The following MBP variants were observed in gnomAD, a reference collection of about 807,000 sequenced individuals.
MBP encodes myelin basic protein.
Under a neutral mutation model 35.8 loss-of-function variants are expected in MBP, and 16 were observed. The observed-to-expected ratio is 0.45, with a 90% confidence interval of 0.30 to 0.68. The LOEUF (loss-of-function observed/expected upper bound fraction) is 0.68, where lower values mean the gene tolerates loss of function less well. Ranked by LOEUF, MBP falls within the 30% of genes least tolerant of loss-of-function variation. The pLI, the probability that MBP is intolerant of heterozygous loss-of-function variation, is 0.08. For synonymous variants in MBP, 143 were observed against 159.6 expected (o/e 0.90, Z 0.78); for missense variants, 380 against 404.7 (o/e 0.94, Z 0.52).
chr18:77,049,139 T>C (rs1262264971), intron 3 of MBP, among the ~76,000 whole-genome samples: 1 of 151,232 alleles, frequency 6.6e-6, no homozygotes, highest in Non-Finnish European at 1.5e-5. Context: ...CTGGATGGTC[T>C]CGATCTCTTG....
intron 2 of MBP, among the ~76,000 whole-genome samples, chr18:77,092,278 G>A (rs943319284): frequency 6.6e-6 from 1 of 152,202 alleles, no homozygotes; most frequent in Admixed American, 6.5e-5. Flanking sequence ...TCCCCGTCGG[G>A]CTGCACCCTC....
intron 3 of MBP, among the ~76,000 whole-genome samples, chr18:77,059,446 T>C (rs1973874281): frequency 6.6e-6 from 1 of 150,624 alleles, no homozygotes; most frequent in Non-Finnish European, 1.5e-5. Context: ...GAATTTAAAT[T>C]ATAATAATTT....
chr18:77,025,705 C>CTTTTT (rs540022394), intron 3 of MBP, among the ~76,000 whole-genome samples: 1,577 of 108,742 alleles, frequency 0.015, 131 homozygotes, highest in African/African-American at 0.059. Flanking sequence ...TATTGAAATA[C>CTTTTT]TTTTTTTTTT....
At chr18:77,087,285 CA>C (rs2144985990) in intron 2 of MBP, 1 of 152,392 alleles carries the variant, frequency 6.6e-6, no homozygotes, top group East Asian at 1.9e-4. Flanking sequence ...CCTTCGCACT[CA>C]CCTGGCGCGG....
intron 2 of MBP, among the ~76,000 whole-genome samples, chr18:77,094,842 A>T (rs1193158281): frequency 6.6e-6 from 1 of 152,190 alleles, no homozygotes; most frequent in African/African-American, 2.4e-5. Context: ...TAAAAATATG[A>T]CATTAAAAAC....
intron 2 of MBP, among the ~76,000 whole-genome samples, chr18:77,079,251 G>A (rs1180219791): frequency 6.6e-6 from 1 of 152,238 alleles, no homozygotes; most frequent in African/African-American, 2.4e-5. Flanking sequence ...ACTAAGGTTG[G>A]AGGGACGCTG....
At chr18:77,018,343 TCCATCCATCCATACACATACCCACCTAC>T (rs1436039761) in intron 3 of MBP, among the ~76,000 whole-genome samples, 8 of 117,794 alleles carry the variant, frequency 6.8e-5, no homozygotes, top group African/African-American at 1.8e-4. Flanking sequence ...CATCCATCTA[TCCATCCATCCATACACATACCCACCTAC>T]CCATCCATCC....
chr18:77,042,653 A>G (rs1377617179), intron 3 of MBP, among the ~76,000 whole-genome samples: 1 of 152,224 alleles, frequency 6.6e-6, no homozygotes, highest in Non-Finnish European at 1.5e-5. Flanking sequence ...GCAGAGCTGT[A>G]CGCAGCACTT....
intron 3 of MBP, among the ~76,000 whole-genome samples, chr18:77,023,647 T>C (rs1056451489): frequency 9.9e-5 from 15 of 152,170 alleles, no homozygotes; most frequent in African/African-American, 3.6e-4. Context: ...TCTCTGCCAT[T>C]GGGTTCCCTT....
rs772644313 is a variant in MBP at position 76,988,163 on chromosome 18, G to A, written c.750+332C>T. 1.9e-6 allele frequency: 3 copies of A among 1,538,824 alleles called. No homozygotes were observed. Among genetic ancestry groups the A allele is most frequent in the Middle Eastern group, 3.3e-4 (2 of 5,992 alleles). ...GCTTCTCGCACTGGTTGTGTTGGAG[G>A]AAGTTAAACATTTTCTCGGACGTGG... On this transcript the variant is annotated intron_variant, in intron 7 of 8. Coordinates refer to ENST00000355994, the MANE Select transcript of MBP (RefSeq NM_001025101.2). This position sits in a 1 kb window ranked among gnomAD's most constrained non-coding sequence, Gnocchi z 5.2.
intron 4 of MBP, among the ~76,000 whole-genome samples, chr18:76,998,633 G>C (rs561865699): frequency 3.3e-5 from 5 of 152,194 alleles, no homozygotes; most frequent in Non-Finnish European, 7.3e-5. Context: ...AGGAATAGCA[G>C]CACGCGGCAT....
In MBP at chr18:77,084,427, CA is replaced by C. The variant is rs1975127625; in HGVS notation, c.52-18043del. Among the ~76,000 whole-genome samples the C allele has an allele frequency of 5.9e-4, 16 of 26,986 alleles. No individual in the cohort carries two copies. In the East Asian group the frequency reaches 0.02, roughly 33 times the overall value. 17.7% of individuals were successfully genotyped at this position (26,986 alleles called of 152,430 possible). ...CACAACACCGCCCCCCCCGCCACACCACACCACACACACACACACACACACA... is the reference window on the plus strand; with the variant it reads ...CACAACACCGCCCCCCCCGCCACACCCACCACACACACACACACACACACA... On this transcript the variant is annotated intron_variant, in intron 2 of 8. Coordinates refer to ENST00000355994, the MANE Select transcript of MBP (RefSeq NM_001025101.2).
Position 77,118,875 on chromosome 18 carries a change from T to TCA in MBP, c.-25-13591_-25-13590dup, listed in dbSNP as rs759527813. 7.8e-3 allele frequency among the ~76,000 whole-genome samples: 1,117 copies of TCA among 143,094 alleles called. 19 individuals are homozygous for TCA. The highest frequency in any genetic ancestry group is 0.028 in the African/African-American group (1,060 of 38,310). 93.9% of individuals were successfully genotyped at this position (143,094 alleles called of 152,430 possible). On this transcript the variant is annotated intron_variant, in intron 1 of 8. Transcript: ENST00000355994. ...ACCACACACACACTCCACAGACACT[T>TCA]CACACACACCAGACACACACCACAC...
chr18:76,987,994 C>A, intron 7 of MBP: 1 of 1,278,874 alleles, frequency 7.8e-7, no homozygotes, highest in Non-Finnish European at 1.0e-6. Flanking sequence ...AAACAAAAAT[C>A]TTTGGATTAA....
chr18:77,051,258 T>C (rs1056318912), intron 3 of MBP, among the ~76,000 whole-genome samples: 1 of 152,224 alleles, frequency 6.6e-6, no homozygotes, highest in Non-Finnish European at 1.5e-5. Flanking sequence ...CGTTCCCATT[T>C]CAGTGTGCCC....
chr18:76,983,272 G>C (rs1969320339), intron 8 of MBP: 3 of 152,242 alleles, frequency 2.0e-5, no homozygotes, highest in Non-Finnish European at 4.4e-5. Context: ...TGAGCACGGT[G>C]TCTGCAAAAT....
At chr18:77,022,687 C>T (rs1304501697) in intron 3 of MBP, among the ~76,000 whole-genome samples, 1 of 152,168 alleles carries the variant, frequency 6.6e-6, no homozygotes, top group Non-Finnish European at 1.5e-5. Context: ...TAATTAAATG[C>T]ATTAACAAAA....
rs1302613066 is a variant in MBP at position 76,988,634 on chromosome 18, A to G, written c.718-107T>C. The G allele has an allele frequency of 1.3e-6, 2 of 1,520,766 alleles. No individual in the cohort carries two copies. The highest frequency in any genetic ancestry group is 1.8e-6 in the Non-Finnish European group (2 of 1,139,076). The allele number at this position is 1,520,766 out of a possible 1,614,324, so 94.2% of individuals were successfully genotyped here. ...GCACAGTGGAGCTGAGGTGGTAAAA[A>G]CAGGTTCCACCCGGAGCTCCGAGGG... is the stretch of plus-strand genomic sequence containing the variant. On this transcript the variant is annotated intron_variant, in intron 6 of 8. Transcript: ENST00000355994. The surrounding 1 kb of genome is among the most constrained non-coding windows in gnomAD (Gnocchi z 5.2).
chr18:77,133,283 C>T (rs1468723094), upstream of MBP, among the ~76,000 whole-genome samples: 1 of 152,234 alleles, frequency 6.6e-6, no homozygotes, highest in African/African-American at 2.4e-5. Context: ...TCCCCTGGAG[C>T]CCAGGCCAGG....
Sources: allele counts gnomAD v4.1 joint callset (sites outside exome capture counted in the v4.1 genomes callset), GRCh38; gene constraint gnomAD v4.1.1; non-coding constraint Gnocchi (gnomAD v3.1); transcripts MANE v1.5; gene names NCBI Gene and HGNC (gene_info 2026-07-23, HGNC 2026-07-21).